GNG7: variants seen among roughly 807,000 people sequenced by gnomAD.
The protein encoded by GNG7 is G protein subunit gamma 7.
A neutral mutation model predicts 4.0 loss-of-function variants in GNG7; 1 was observed. That is an observed-to-expected ratio of 0.25 (90% CI 0.09 to 1.18). The LOEUF is 1.18. Ranked by LOEUF, GNG7 falls within the 50% of genes most tolerant of loss-of-function variation. GNG7 has a pLI of 0.50. For missense variants in GNG7, 86 were observed against 91.9 expected (o/e 0.94, Z 0.26); for synonymous variants, 34 against 36.9 (o/e 0.92, Z 0.29).
In GNG7 at chr19:2,697,212, A is replaced by C. The variant is rs181428239; in HGVS notation, c.-135+5434T>G. Among the ~76,000 whole-genome samples the C allele has an allele frequency of 4.1e-4, 62 of 152,348 alleles. No homozygotes were observed. In the East Asian group the frequency reaches 0.011, roughly 28 times the overall value. ...ATCCTTAAAAGGTCTGAATGTTATG[A>C]AGTGTAAATTATACCTCAATTTTTG... On this transcript the variant is annotated intron_variant, in intron 1 of 4. Coordinates refer to ENST00000382159, the MANE Select transcript of GNG7 (RefSeq NM_052847.3).
chr19:2,583,953 A>G (rs1980571541), intron 2 of GNG7, among the ~76,000 whole-genome samples: 1 of 152,202 alleles, frequency 6.6e-6, no homozygotes, highest in African/African-American at 2.4e-5. Context: ...ATTATTCAGA[A>G]AAGTCCATAC....
chr19:2,666,214 C>T (rs1351968219), intron 1 of GNG7, among the ~76,000 whole-genome samples: 1 of 151,910 alleles, frequency 6.6e-6, no homozygotes, highest in Non-Finnish European at 1.5e-5. Flanking sequence ...CTCTTGTCGC[C>T]CAGGCTGGAG....
At chr19:2,591,889 T>TA (rs1368359456) in intron 2 of GNG7, among the ~76,000 whole-genome samples, 2 of 152,136 alleles carry the variant, frequency 1.3e-5, no homozygotes, top group Admixed American at 1.3e-4. Context: ...AAAGAGACAC[T>TA]AATTTCACAT....
At chr19:2,674,045 C>T (rs1384483140) in intron 1 of GNG7, among the ~76,000 whole-genome samples, 2 of 152,154 alleles carry the variant, frequency 1.3e-5, no homozygotes, top group Non-Finnish European at 2.9e-5. Flanking sequence ...GGGCGGATCA[C>T]CCAAGGTCAG....
At chr19:2,677,291 G>A (rs557356499) in intron 1 of GNG7, among the ~76,000 whole-genome samples, 44 of 148,482 alleles carry the variant, frequency 3.0e-4, no homozygotes, top group African/African-American at 1.0e-3. Context: ...CTATACAACC[G>A]TGGTTCTCAA....
intron 3 of GNG7, chr19:2,538,365 G>A (rs1436115164): frequency 4.6e-6 from 2 of 438,152 alleles, no homozygotes; most frequent in African/African-American, 4.1e-5. Context: ...ACTCATGCCT[G>A]TGATCCTACC....
chr19:2,547,939 C>A (rs114482008), intron 3 of GNG7, among the ~76,000 whole-genome samples: 1 of 152,172 alleles, frequency 6.6e-6, no homozygotes, highest in Admixed American at 6.5e-5. Context: ...GGGGCCGGCC[C>A]GTCCGGGCAC....
chr19:2,686,938 G>C (rs1983887213), intron 1 of GNG7, among the ~76,000 whole-genome samples: 1 of 151,746 alleles, frequency 6.6e-6, no homozygotes, highest in Non-Finnish European at 1.5e-5. Flanking sequence ...TTTTTTAGTA[G>C]AGACGGGGTT....
rs542975863 is a variant in GNG7 at position 2,694,387 on chromosome 19, C to G, written c.-135+8259G>C. ...GACTGTGGACAATGTCTGGGGACAT[C>G]GGTGGCTGTCACAACTCAGAGATGC... On this transcript the variant is annotated intron_variant, in intron 1 of 4. Coordinates refer to ENST00000382159, the MANE Select transcript of GNG7 (RefSeq NM_052847.3). 4.6e-5 allele frequency among the ~76,000 whole-genome samples: 7 copies of G among 152,188 alleles called. No homozygotes were observed. The South Asian group carries it at 1.5e-3, about 32-fold the overall frequency.
intron 1 of GNG7, among the ~76,000 whole-genome samples, chr19:2,691,866 C>CAA (rs10709787): frequency 9.5e-5 from 12 of 125,982 alleles, no homozygotes; most frequent in African/African-American, 1.4e-4. Context: ...GATTGCATCT[C>CAA]AAAAAAAAAA....
chr19:2,544,777 T>G (rs1007465374), intron 3 of GNG7, among the ~76,000 whole-genome samples: 2 of 151,498 alleles, frequency 1.3e-5, no homozygotes, highest in African/African-American at 4.9e-5. Context: ...GTTGTCGGGG[T>G]TGGGGGAGCT....
At chr19:2,678,420 G>A (rs1404633799) in intron 1 of GNG7, among the ~76,000 whole-genome samples, 3 of 152,152 alleles carry the variant, frequency 2.0e-5, no homozygotes, top group Non-Finnish European at 4.4e-5. Flanking sequence ...GCTTGGGCAC[G>A]GAGTCAAAAA....
intron 2 of GNG7, among the ~76,000 whole-genome samples, chr19:2,638,902 G>C (rs1057087224): frequency 2.6e-4 from 40 of 152,064 alleles, no homozygotes; most frequent in African/African-American, 9.7e-4. Flanking sequence ...ATTTGGAAGA[G>C]ATCCATAAAA....
chr19:2,661,333 A>AAAGAAAGAAAGAAAGG lies in GNG7; in HGVS notation c.-134-15054_-134-15053insCCTTTCTTTCTTTCTT, dbSNP rs1983168861. Among the ~76,000 whole-genome samples the AAAGAAAGAAAGAAAGG allele has an allele frequency of 5.5e-5, 8 of 146,240 alleles. 1 individual carries two copies. The highest frequency in any genetic ancestry group is 2.1e-4 in the African/African-American group (8 of 38,816). On this transcript the variant is annotated intron_variant, in intron 1 of 4. Transcript: ENST00000382159. ...GAAAGAAAGAAAGAAAGAAAGAAAG[A>AAAGAAAGAAAGAAAGG]AAGAAAGAAAGAAAGAAAGAAAGAA...
chr19:2,558,137 G>A lies in GNG7; in HGVS notation c.-77-2949C>T, dbSNP rs11883372. 1.9e-3 allele frequency among the ~76,000 whole-genome samples: 294 copies of A among 151,790 alleles called. 3 individuals are homozygous for A. The highest frequency in any genetic ancestry group is 6.8e-3 in the African/African-American group (282 of 41,378). On this transcript the variant is annotated intron_variant, in intron 2 of 4. Coordinates refer to ENST00000382159, the MANE Select transcript of GNG7 (RefSeq NM_052847.3). ...ATTACAGGCGTGAGCCACCGCGCCC[G>A]GCCTCTCAGGCTTACTTTTAGGTGG... is the stretch of plus-strand genomic sequence containing the variant.
chr19:2,605,267 C>G (rs1023979490), intron 2 of GNG7, among the ~76,000 whole-genome samples: 1 of 152,096 alleles, frequency 6.6e-6, no homozygotes, highest in East Asian at 1.9e-4. Flanking sequence ...GACACCATCT[C>G]GGCTCACTGC....
intron 2 of GNG7, among the ~76,000 whole-genome samples, chr19:2,616,270 A>G (rs2144827891): frequency 6.6e-6 from 1 of 152,030 alleles, no homozygotes; most frequent in South Asian, 2.1e-4. Context: ...TTTGAGCCGG[A>G]GTCTCGCTCT....
intron 2 of GNG7, among the ~76,000 whole-genome samples, chr19:2,638,643 C>T (rs1982399324): frequency 6.7e-6 from 1 of 150,184 alleles, no homozygotes; most frequent in Non-Finnish European, 1.5e-5. Flanking sequence ...TTGGATGGGG[C>T]CATGTTGAGC....
chr19:2,687,061 C>CTT (rs762806942), intron 1 of GNG7, among the ~76,000 whole-genome samples: 16 of 137,488 alleles, frequency 1.2e-4, no homozygotes, highest in African/African-American at 4.2e-4. Flanking sequence ...CACTTTTTTT[C>CTT]TTTTTTTTTT....
Sources: gnomAD v4.1 joint callset for allele counts (sites outside exome capture counted in the v4.1 genomes callset) on GRCh38, gnomAD v4.1.1 for gene constraint, MANE v1.5 for transcripts, NCBI Gene and HGNC (gene_info 2026-07-23, HGNC 2026-07-21) for gene names.